CDH13: variants seen among roughly 807,000 people sequenced by gnomAD.
The protein encoded by CDH13 is cadherin-13.
Under a neutral mutation model 63.8 loss-of-function variants are expected in CDH13, and 24 were observed. The observed-to-expected ratio is 0.38, with a 90% CI of 0.27 to 0.53. The LOEUF (loss-of-function observed/expected upper bound fraction) is 0.53. CDH13 is among the 20% of genes least tolerant of loss of function. CDH13 has a pLI of 0.85. For synonymous variants in CDH13, 503 were observed against 355.3 expected (o/e 1.42, Z -4.67); for missense variants, 1,049 against 903.1 (o/e 1.16, Z -2.07).
intron 2 of CDH13, among the ~76,000 whole-genome samples, chr16:82,873,554 A>G (rs376197575): frequency 6.6e-6 from 1 of 152,094 alleles, no homozygotes; most frequent in African/African-American, 2.4e-5. Context: ...GTCACTCACA[A>G]TGGGTGGTGT....
At chr16:83,224,271 G>T (rs577319610) in intron 5 of CDH13, among the ~76,000 whole-genome samples, 1 of 152,320 alleles carries the variant, frequency 6.6e-6, no homozygotes, top group African/African-American at 2.4e-5. Context: ...CATTTGGGCT[G>T]GTTTCATATT....
At chr16:82,983,699 G>A (rs1040115226) in intron 2 of CDH13, among the ~76,000 whole-genome samples, 3 of 152,204 alleles carry the variant, frequency 2.0e-5, no homozygotes, top group African/African-American at 7.2e-5. Context: ...AGGGGTGTGT[G>A]TATGAGAGAG....
intron 1 of CDH13, among the ~76,000 whole-genome samples, chr16:82,656,892 C>G (rs1424528472): frequency 1.3e-5 from 2 of 150,470 alleles, no homozygotes; most frequent in Non-Finnish European, 3.0e-5. Flanking sequence ...GAAGTTTCCT[C>G]CATGTTTTCT....
intron 7 of CDH13, among the ~76,000 whole-genome samples, chr16:83,553,347 G>T (rs943106877): frequency 1.3e-5 from 2 of 152,150 alleles, no homozygotes; most frequent in East Asian, 1.9e-4. Flanking sequence ...AAATACAAAA[G>T]TTATAAAATT....
chr16:83,336,223 C>G (rs1204032495), intron 5 of CDH13, among the ~76,000 whole-genome samples: 1 of 150,372 alleles, frequency 6.7e-6, no homozygotes, highest in Admixed American at 6.7e-5. Context: ...ATCGCTTGAA[C>G]CTGGGAGGCA....
chr16:83,077,461 G>A (rs1047411999), intron 3 of CDH13, among the ~76,000 whole-genome samples: 1 of 151,734 alleles, frequency 6.6e-6, no homozygotes, highest in Non-Finnish European at 1.5e-5. Context: ...CCAAAGTGCT[G>A]GGATTACAGG....
intron 6 of CDH13, among the ~76,000 whole-genome samples, chr16:83,357,317 T>C (rs1293979588): frequency 6.6e-6 from 1 of 152,188 alleles, no homozygotes; most frequent in Non-Finnish European, 1.5e-5. Context: ...ACTTGAATAG[T>C]AACATGTGTG....
intron 6 of CDH13, among the ~76,000 whole-genome samples, chr16:83,459,728 A>G (rs1313872201): frequency 6.6e-6 from 1 of 152,244 alleles, no homozygotes; most frequent in East Asian, 1.9e-4. Context: ...CACAGGAAGA[A>G]AAATAACCAA....
At chr16:82,687,901 C>T (rs145480177) in intron 1 of CDH13, among the ~76,000 whole-genome samples, 117 of 152,216 alleles carry the variant, frequency 7.7e-4, no homozygotes, top group Non-Finnish European at 1.3e-3. Context: ...TAAGGAGCTT[C>T]AAGGGGATCC....
chr16:83,446,531 G>A (rs1244809072), intron 6 of CDH13, among the ~76,000 whole-genome samples: 2 of 152,120 alleles, frequency 1.3e-5, no homozygotes, highest in Non-Finnish European at 2.9e-5. Flanking sequence ...ATGAAAATTA[G>A]CAGGGTACAG....
intron 7 of CDH13, among the ~76,000 whole-genome samples, chr16:83,544,855 C>T (rs1045224085): frequency 4.6e-5 from 7 of 152,168 alleles, no homozygotes; most frequent in African/African-American, 1.4e-4. Context: ...ATACAAAATA[C>T]ATCTAACAAT....
At chr16:83,775,138 G>A (rs866490874) in intron 11 of CDH13, among the ~76,000 whole-genome samples, 6 of 151,678 alleles carry the variant, frequency 4.0e-5, no homozygotes, top group African/African-American at 1.4e-4. Context: ...AGAGAAGGAG[G>A]CCTGACACTC....
intron 3 of CDH13, among the ~76,000 whole-genome samples, chr16:83,032,832 GT>G (rs1169618413): frequency 6.6e-6 from 1 of 152,184 alleles, no homozygotes; most frequent in East Asian, 1.9e-4. Context: ...AAGAAATGTA[GT>G]TCCTCAAAGT....
At chr16:82,830,779 C>G (rs533880305) in intron 1 of CDH13, among the ~76,000 whole-genome samples, 2 of 152,296 alleles carry the variant, frequency 1.3e-5, no homozygotes, top group South Asian at 4.1e-4. Flanking sequence ...TAAAAATAGT[C>G]TTACATGCAT....
intron 5 of CDH13, among the ~76,000 whole-genome samples, chr16:83,266,861 T>A (rs1277047014): frequency 6.6e-6 from 1 of 152,194 alleles, no homozygotes; most frequent in Non-Finnish European, 1.5e-5. Context: ...CCATTCCTGG[T>A]CTCAAGTCGG....
At chr16:83,290,050 G>A (rs1048584971) in intron 5 of CDH13, among the ~76,000 whole-genome samples, 6 of 152,082 alleles carry the variant, frequency 3.9e-5, no homozygotes, top group African/African-American at 1.4e-4. Flanking sequence ...CCTGTTTGGG[G>A]ACTTTCTACT....
chr16:82,994,666 G>A (rs921788690), intron 2 of CDH13, among the ~76,000 whole-genome samples: 1 of 152,098 alleles, frequency 6.6e-6, no homozygotes, highest in African/African-American at 2.4e-5. Context: ...GAAGAAAAAC[G>A]TATTAGTCTT....
intron 9 of CDH13, among the ~76,000 whole-genome samples, chr16:83,676,475 T>C (rs1204229028): frequency 6.6e-6 from 1 of 152,174 alleles, no homozygotes; most frequent in African/African-American, 2.4e-5. Flanking sequence ...GCATGGCAGC[T>C]CCCTGGCCCT....
At chr16:83,256,938 T>C (rs555255091) in intron 5 of CDH13, among the ~76,000 whole-genome samples, 1 of 152,130 alleles carries the variant, frequency 6.6e-6, no homozygotes, top group African/African-American at 2.4e-5. Context: ...TTAGAATTTG[T>C]TGCTCGCCTG....
Sources: allele counts gnomAD v4.1 joint callset (sites outside exome capture counted in the v4.1 genomes callset), GRCh38; gene constraint gnomAD v4.1.1; transcripts MANE v1.5; gene names NCBI Gene and HGNC (gene_info 2026-07-23, HGNC 2026-07-21).